LYN: variants seen among roughly 807,000 people sequenced by gnomAD.
LYN encodes the protein LYN proto-oncogene, Src family tyrosine kinase.
Under a neutral mutation model 65.0 loss-of-function variants are expected in LYN, and 12 were observed. The ratio of observed to expected loss-of-function variants is 0.18; its 90% CI spans 0.12 to 0.30. The LOEUF (loss-of-function observed/expected upper bound fraction) is 0.30, where lower values mean the gene tolerates loss of function less well. Among genes scored for constraint, LYN ranks in the 10% least tolerant of loss-of-function variants. LYN has a pLI of 1.00. For missense variants in LYN, 380 were observed against 623.2 expected (o/e 0.61, Z 4.16); for synonymous variants, 222 against 221.2 (o/e 1.00, Z -0.03).
chr8:55,979,099 C>T (rs901813568), intron 10 of LYN, among the ~76,000 whole-genome samples: 6 of 141,356 alleles, frequency 4.2e-5, no homozygotes, highest in South Asian at 2.2e-4. Flanking sequence ...TTGTCACCCA[C>T]GGTGGAGTGC....
chr8:55,890,134 A>AAAAAAAAAAAAAAAAAAAAAC (rs1804914311), intron 1 of LYN, among the ~76,000 whole-genome samples: 1 of 149,888 alleles, frequency 6.7e-6, no homozygotes, highest in Non-Finnish European at 1.5e-5. Context: ...AAAAAAAAAA[A>AAAAAAAAAAAAAAAAAAAAAC]AAAAGAATAA....
chr8:55,880,240 C>G (rs1188027234), intron 1 of LYN, 137 bp downstream of exon 1: 1 of 154,076 alleles, frequency 6.5e-6, no homozygotes, highest in East Asian at 1.9e-4. Flanking sequence ...CCCGCGGCGG[C>G]TTCCTGGCCG....
At chr8:55,882,276 G>T (rs1030929352) in intron 1 of LYN, among the ~76,000 whole-genome samples, 2 of 152,120 alleles carry the variant, frequency 1.3e-5, no homozygotes, top group Admixed American at 1.3e-4. Context: ...TTGTAATCCC[G>T]CCCCTGCCCT....
At position 55,999,467 on chromosome 8, in the gene LYN, A is replaced by G. The variant is rs767395599; in HGVS notation, c.1254A>G (p.Gly418=). The G allele has an allele frequency of 1.2e-6, 2 of 1,613,610 alleles. No homozygotes were observed. The highest frequency in any genetic ancestry group is 1.7e-6 in the Non-Finnish European group (2 of 1,179,604). ...CGGCTCCAGAAGCAATCAACTTTGG[A>G]TGTTTCACTATTAAGTCTGATGTGT... is the stretch of plus-strand genomic sequence containing the variant. ...KWTAPEAINF[G]CFTIKSDVWS... is the part of the protein sequence containing the mutation. The change falls in exon 12 of 13, where the codon GGA becomes GGG. Residue 418 remains glycine (G), a synonymous_variant. Transcript: ENST00000519728.
chr8:55,979,035 C>T (rs1019173280), intron 10 of LYN, among the ~76,000 whole-genome samples: 2 of 151,224 alleles, frequency 1.3e-5, no homozygotes, highest in Admixed American at 6.6e-5. Flanking sequence ...TAAATGAAAC[C>T]ATGCACTTCT....
chr8:55,999,320 C>CA, intron 11 of LYN, 98 bp from the exon 12 acceptor site: 3 of 1,141,046 alleles, frequency 2.6e-6, no homozygotes, highest in Non-Finnish European at 3.8e-6. Context: ...AACTCCGCCT[C>CA]AAAAAAAGAA....
intron 12 of LYN, among the ~76,000 whole-genome samples, chr8:56,000,467 A>G (rs1169408459): frequency 1.3e-5 from 2 of 151,902 alleles, no homozygotes; most frequent in African/African-American, 4.8e-5. Context: ...AGTGGCTTAC[A>G]CCTGTAATCC....
intron 1 of LYN, among the ~76,000 whole-genome samples, chr8:55,888,422 TTAGTATGAAGC>T (rs1804862082): frequency 6.6e-6 from 1 of 152,178 alleles, no homozygotes; most frequent in East Asian, 1.9e-4. Flanking sequence ...CTGGAGCCTT[TTAGTATGAAGC>T]TAATCTTTTT....
At chr8:55,946,521 AT>A (rs750257239) in intron 3 of LYN, 28 bp downstream of exon 3, 80 of 1,519,830 alleles carry the variant, frequency 5.3e-5, no homozygotes, top group Admixed American at 9.1e-5. Context: ...CATAGTTAAA[AT>A]TTTTTTTCTT....
At chr8:55,946,906 A>G (rs2130484858) in intron 3 of LYN, among the ~76,000 whole-genome samples, 1 of 152,330 alleles carries the variant, frequency 6.6e-6, no homozygotes, top group African/African-American at 2.4e-5. Context: ...ATGCTGTAGA[A>G]AGTGTTAGAA....
intron 1 of LYN, among the ~76,000 whole-genome samples, chr8:55,919,317 G>A (rs1362259933): frequency 1.3e-5 from 2 of 152,244 alleles, no homozygotes; most frequent in Admixed American, 6.5e-5. Context: ...TTAGGAAATT[G>A]GGATATAATT....
intron 10 of LYN, among the ~76,000 whole-genome samples, chr8:55,972,174 T>A (rs767967877): frequency 3.9e-5 from 6 of 152,234 alleles, no homozygotes; most frequent in Non-Finnish European, 7.3e-5. Flanking sequence ...CTGCTCAGTG[T>A]CACTGGGAGA....
chr8:55,890,946 C>T (rs1213414814), intron 1 of LYN, among the ~76,000 whole-genome samples: 5 of 151,968 alleles, frequency 3.3e-5, no homozygotes, highest in African/African-American at 1.2e-4. Context: ...CCAGGCTAAT[C>T]TTGAACTCCT....
chr8:56,001,170 G>C (rs774932762), intron 12 of LYN, among the ~76,000 whole-genome samples: 1 of 152,178 alleles, frequency 6.6e-6, no homozygotes, highest in Non-Finnish European at 1.5e-5. Flanking sequence ...AGAGCAGCCA[G>C]AGCATGGGCT....
At chr8:55,988,184 A>G (rs534162950) in intron 10 of LYN, among the ~76,000 whole-genome samples, 8 of 152,312 alleles carry the variant, frequency 5.3e-5, no homozygotes, top group African/African-American at 1.7e-4. Context: ...AATGAATATT[A>G]ACAAGTAGAA....
At chr8:55,972,235 A>T (rs1807629327) in intron 10 of LYN, among the ~76,000 whole-genome samples, 1 of 152,172 alleles carries the variant, frequency 6.6e-6, no homozygotes, top group South Asian at 2.1e-4. Context: ...CATTCAGCAC[A>T]AAATTCATTT....
chr8:55,896,495 G>C (rs1274074986), intron 1 of LYN, among the ~76,000 whole-genome samples: 5 of 151,832 alleles, frequency 3.3e-5, no homozygotes, highest in African/African-American at 9.7e-5. Context: ...CACACACCGG[G>C]GCCTGTCGGG....
chr8:55,945,050 C>T (rs1806735354), intron 2 of LYN, among the ~76,000 whole-genome samples: 1 of 152,138 alleles, frequency 6.6e-6, no homozygotes, highest in Admixed American at 6.5e-5. Context: ...ACTCTCAGCC[C>T]TGGCCAGATA....
intron 10 of LYN, among the ~76,000 whole-genome samples, chr8:55,970,734 A>C (rs1488692752): frequency 6.6e-6 from 1 of 152,026 alleles, no homozygotes; most frequent in South Asian, 2.1e-4. Context: ...GGCTGGACAC[A>C]GGTTCTGTAA....
Sources: allele counts gnomAD v4.1 joint callset (sites outside exome capture counted in the v4.1 genomes callset), GRCh38; gene constraint gnomAD v4.1.1; transcripts MANE v1.5; gene names NCBI Gene and HGNC (gene_info 2026-07-23, HGNC 2026-07-21).